RBFOX1: variants seen among roughly 807,000 people sequenced by gnomAD.
The protein encoded by RBFOX1 is RNA binding protein fox-1 homolog 1.
Under a neutral mutation model 57.7 loss-of-function variants are expected in RBFOX1, and 8 were observed. The observed-to-expected ratio is 0.14, with a 90% CI of 0.08 to 0.25. The LOEUF (loss-of-function observed/expected upper bound fraction) is 0.25. Ranked by LOEUF, RBFOX1 falls within the 10% of genes least tolerant of loss-of-function variation. The probability of loss-of-function intolerance (pLI) is 1.00; values close to 1 mark genes in which losing one functional copy is unlikely to be tolerated. For missense variants in RBFOX1, 611 were observed against 548.5 expected, an observed-to-expected ratio of 1.11 and a Z score of -1.14; for synonymous variants, 326 against 222.4, an observed-to-expected ratio of 1.47 and a Z score of -4.15.
chr16:6,724,745 A>G (rs72764955), intron 3 of RBFOX1, among the ~76,000 whole-genome samples: 2 of 151,846 alleles, frequency 1.3e-5, no homozygotes, highest in Non-Finnish European at 2.9e-5. Context: ...TTTAATTTTT[A>G]TTCTAAGTTC....
intron 4 of RBFOX1, among the ~76,000 whole-genome samples, chr16:7,212,471 GT>G (rs947739467): frequency 6.6e-6 from 1 of 152,112 alleles, no homozygotes; most frequent in Non-Finnish European, 1.5e-5. Context: ...CTGCTTTAGA[GT>G]TTAGGGAATT....
At chr16:5,753,001 G>A (rs903249694) in intron 3 of RBFOX1, among the ~76,000 whole-genome samples, 64 of 151,978 alleles carry the variant, frequency 4.2e-4, no homozygotes, top group African/African-American at 1.4e-3. Flanking sequence ...GAAATAAACC[G>A]TATTTTAAAA....
intron 1 of RBFOX1, among the ~76,000 whole-genome samples, chr16:6,295,741 GAGGGGAC>G (rs1434902253): frequency 6.6e-6 from 1 of 152,210 alleles, no homozygotes; most frequent in African/African-American, 2.4e-5. Context: ...CTGAAATGAG[GAGGGGAC>G]AGGGGCAATG....
intron 4 of RBFOX1, among the ~76,000 whole-genome samples, chr16:7,076,917 C>A (rs760899042): frequency 6.6e-6 from 1 of 152,182 alleles, no homozygotes; most frequent in Non-Finnish European, 1.5e-5. Flanking sequence ...CTTAGTTAAA[C>A]ACTTACTTTC....
At chr16:7,612,831 C>G (rs2057776047) in intron 10 of RBFOX1, among the ~76,000 whole-genome samples, 1 of 152,130 alleles carries the variant, frequency 6.6e-6, no homozygotes, top group East Asian at 1.9e-4. Flanking sequence ...AAAGCTCACC[C>G]ACGTTGTATA....
chr16:6,561,978 T>G lies in RBFOX1; in HGVS notation c.-63-92625T>G, dbSNP rs1305020363. On this transcript the variant is annotated intron_variant, in intron 2 of 15. Coordinates refer to ENST00000550418, the MANE Select transcript of RBFOX1 (RefSeq NM_018723.4). The stretch of plus-strand genomic sequence containing the variant: ...ATTCACATCATCCACCTAGATCTGT[T>G]ATACAGGAACAAACTGTGTAGAGAT... 2.0e-5 allele frequency among the ~76,000 whole-genome samples: 3 copies of G among 152,214 alleles called. No individual in the cohort carries two copies. The East Asian group carries it at 5.8e-4, about 29-fold the overall frequency.
intron 3 of RBFOX1, among the ~76,000 whole-genome samples, chr16:6,724,264 C>T (rs1351047618): frequency 2.1e-5 from 3 of 144,766 alleles, no homozygotes; most frequent in African/African-American, 7.9e-5. Context: ...TGCTGGTGTG[C>T]AGTGGTGCAA....
intron 3 of RBFOX1, among the ~76,000 whole-genome samples, chr16:5,863,383 C>T (rs1048333984): frequency 1.3e-5 from 2 of 152,180 alleles, no homozygotes; most frequent in African/African-American, 2.4e-5. Context: ...ATCAGCCCCC[C>T]ACTGCAGACA....
chr16:6,497,565 A>ATTTG lies in RBFOX1; in HGVS notation c.-63-157038_-63-157037insTTTG, dbSNP rs772851122. Among the ~76,000 whole-genome samples the ATTTG allele has an allele frequency of 5.4e-5, 8 of 147,864 alleles. No homozygotes were observed. In the East Asian group the frequency reaches 1.6e-3, roughly 30 times the overall value. On this transcript the variant is annotated intron_variant, in intron 2 of 15. Coordinates refer to ENST00000550418, the MANE Select transcript of RBFOX1 (RefSeq NM_018723.4). ...TACACCGATTTTTGAAGTTTTTAAAAAAAAAAAAAAAACAGAGTTTTGCTC... is the reference window on the plus strand; with the variant it reads ...TACACCGATTTTTGAAGTTTTTAAAATTTGAAAAAAAAAAAACAGAGTTTTGCTC...
intron 5 of RBFOX1, among the ~76,000 whole-genome samples, chr16:7,573,544 A>T (rs1371049053): frequency 6.6e-6 from 1 of 152,140 alleles, no homozygotes; most frequent in Non-Finnish European, 1.5e-5. Context: ...GCCAAACATA[A>T]CTTTTATGGC....
intron 2 of RBFOX1, among the ~76,000 whole-genome samples, chr16:6,604,552 AAAAT>A (rs2097900469): frequency 6.6e-6 from 1 of 152,260 alleles, no homozygotes; most frequent in Admixed American, 6.5e-5. Flanking sequence ...AATACTTTAG[AAAAT>A]AAATGAATAG....
intron 2 of RBFOX1, among the ~76,000 whole-genome samples, chr16:6,349,420 AC>A (rs2085912104): frequency 1.3e-5 from 2 of 152,232 alleles, no homozygotes; most frequent in African/African-American, 2.4e-5. Context: ...TCATCGAGAT[AC>A]GAATATTGTG....
chr16:6,235,556 G>A (rs1440657733), intron 1 of RBFOX1, among the ~76,000 whole-genome samples: 1 of 66,190 alleles, frequency 1.5e-5, no homozygotes, highest in African/African-American at 3.9e-5. Context: ...GTGCGTGTAT[G>A]TATGTGTGTG....
chr16:7,159,532 G>C (rs1443544964), intron 4 of RBFOX1, among the ~76,000 whole-genome samples: 3 of 152,174 alleles, frequency 2.0e-5, no homozygotes, highest in African/African-American at 2.4e-5. Flanking sequence ...TAGGACTATA[G>C]CTTCCATGGC....
intron 2 of RBFOX1, among the ~76,000 whole-genome samples, chr16:6,567,507 C>T (rs1600105820): frequency 6.6e-6 from 1 of 152,168 alleles, no homozygotes. Context: ...GAGACAGTCA[C>T]CCTGGTTCTC....
intron 3 of RBFOX1, among the ~76,000 whole-genome samples, chr16:5,733,872 G>C (rs779052523): frequency 7.9e-5 from 12 of 151,636 alleles, no homozygotes; most frequent in African/African-American, 2.7e-4. Context: ...TTTTCTCTCA[G>C]CTTTCTCTCT....
intron 3 of RBFOX1, among the ~76,000 whole-genome samples, chr16:7,006,710 T>C (rs1596731491): frequency 6.6e-6 from 1 of 152,086 alleles, no homozygotes; most frequent in Non-Finnish European, 1.5e-5. Flanking sequence ...GGTCTCCCAA[T>C]GTGCTGGGAT....
chr16:7,144,829 C>T (rs949195710), intron 4 of RBFOX1, among the ~76,000 whole-genome samples: 1 of 152,052 alleles, frequency 6.6e-6, no homozygotes, highest in East Asian at 1.9e-4. Context: ...CTTTATGGCC[C>T]GAGAAGGTGA....
intron 3 of RBFOX1, among the ~76,000 whole-genome samples, chr16:7,032,405 G>A (rs1297725481): frequency 6.6e-6 from 1 of 151,962 alleles, no homozygotes; most frequent in African/African-American, 2.4e-5. Flanking sequence ...AGATCCCAGT[G>A]CACTCCAATC....
Sources: gnomAD v4.1 joint callset for allele counts (sites outside exome capture counted in the v4.1 genomes callset) on GRCh38, gnomAD v4.1.1 for gene constraint, MANE v1.5 for transcripts, NCBI Gene and HGNC (gene_info 2026-07-23, HGNC 2026-07-21) for gene names.